ATP13A2: variants seen among roughly 807,000 people sequenced by gnomAD.
The protein encoded by ATP13A2 is polyamine-transporting ATPase 13A2.
A neutral mutation model predicts 138.3 loss-of-function variants in ATP13A2; 83 were observed. That is an observed-to-expected ratio of 0.60 (90% CI 0.50 to 0.72). The LOEUF is 0.72. ATP13A2 is among the 30% of genes least tolerant of loss of function. ATP13A2 has a pLI of 0.00. For missense variants in ATP13A2, 1,402 were observed against 1,606.4 expected, an observed-to-expected ratio of 0.87 and a Z score of 2.17; for synonymous variants, 663 against 699.0, an observed-to-expected ratio of 0.95 and a Z score of 0.81.
chr1:16,997,414 C>CGGTG (rs1424418496), intron 11 of ATP13A2, among the ~76,000 whole-genome samples: 1 of 56,642 alleles, frequency 1.8e-5, no homozygotes, highest in Non-Finnish European at 3.1e-5. Flanking sequence ...CTGGAACCAG[C>CGGTG]GGGGGGGGGT....
Position 16,992,306 on chromosome 1 carries a change from G to C in ATP13A2, c.1942C>G (p.Gln648Glu). Residue 648 changes from glutamine (Q) to glutamate (E), a missense_variant, in exon 18 of 29, where the codon CAG becomes GAG. Physicochemically the swap from Gln to Glu is conservative, Grantham distance 29. Transcript: ENST00000326735. Reference sequence around the variant, plus strand: ...GAGCCTTTGACGTAGGCCTCGGGCTGAGTGGCCCCTGGCCACGCCACCACC... The same window carrying C: ...GAGCCTTTGACGTAGGCCTCGGGCTCAGTGGCCCCTGGCCACGCCACCACC... ...SVVVAWPGAT[Q>E]PEAYVKGSPE... is the part of the protein sequence containing the mutation. The C allele has an allele frequency of 6.2e-7, 1 of 1,612,428 alleles. No individual in the cohort carries two copies. The highest frequency in any genetic ancestry group is 8.5e-7 in the Non-Finnish European group (1 of 1,179,778).
chr1:17,002,243 G>A (rs1570873238), intron 7 of ATP13A2, 53 bp downstream of exon 7: 1 of 1,597,002 alleles, frequency 6.3e-7, no homozygotes, highest in Non-Finnish European at 8.5e-7. Flanking sequence ...ACATTGGGGG[G>A]CAACACAAGG....
At chr1:16,993,969 T>A in intron 15 of ATP13A2, 134 bp from the exon 16 acceptor site, 1 of 729,260 alleles carries the variant, frequency 1.4e-6, no homozygotes, top group Non-Finnish European at 2.2e-6. Flanking sequence ...AAAGATGACC[T>A]TTCTTGACTG....
chr1:16,988,175 C>T lies in ATP13A2; in HGVS notation c.2822G>A (p.Ser941Asn). The change falls in exon 25 of 29, where the codon AGC (serine) becomes AAC (asparagine). Residue 941 changes from serine to asparagine, a missense_variant. Ser to Asn is a conservative substitution (Grantham distance 46). Transcript: ENST00000326735. ...CAGGACGGAGATGAACTGGGTCAGGCTGTACAGAGCCATGTACTTGAAGAC... is the reference window on the plus strand; with the variant it reads ...CAGGACGGAGATGAACTGGGTCAGGTTGTACAGAGCCATGTACTTGAAGAC... ...FSVFKYMALY[S>N]LTQFISVLIL... 1.2e-6 allele frequency: 2 copies of T among 1,614,186 alleles called. No homozygotes were observed. The highest frequency in any genetic ancestry group is 2.2e-5 in the South Asian group (2 of 91,088).
chr1:16,987,339 A>G, intron 25 of ATP13A2, 70 bp from the exon 26 acceptor site: 2 of 1,429,504 alleles, frequency 1.4e-6, no homozygotes, highest in Non-Finnish European at 1.9e-6. Flanking sequence ...CTGATAGCAG[A>G]GGCCCCACCC....
chr1:17,003,045 C>T (rs996333867), intron 6 of ATP13A2, among the ~76,000 whole-genome samples: 5 of 152,184 alleles, frequency 3.3e-5, no homozygotes, highest in Non-Finnish European at 5.9e-5. Flanking sequence ...TTGATGGTAA[C>T]TGTCCTCACT....
chr1:17,001,979 C>G (rs2077374576), intron 8 of ATP13A2, 55 bp downstream of exon 8: 1 of 1,563,106 alleles, frequency 6.4e-7, no homozygotes, highest in African/African-American at 1.4e-5. Context: ...AGCCCTGGGC[C>G]AAGGTCACAC....
Position 16,995,974 on chromosome 1 carries a change from A to G in ATP13A2, c.1542+2T>C. 6.2e-7 allele frequency: 1 copy of G among 1,613,794 alleles called. No individual in the cohort carries two copies. Among genetic ancestry groups the G allele is most frequent in the Non-Finnish European group, 8.5e-7 (1 of 1,180,002 alleles). On this transcript the variant is annotated splice_donor_variant, in intron 15 of 28. Coordinates refer to ENST00000326735, the MANE Select transcript of ATP13A2 (RefSeq NM_022089.4). LOFTEE classifies it high-confidence loss of function. This position sits in a 1 kb window ranked among gnomAD's most constrained non-coding sequence, Gnocchi z 4.1. ...CTGCACCAACCCCACCTGCGGCCCCACCTTGTCGAAACACACCAGCTGCAG... is the reference window on the plus strand; with the variant it reads ...CTGCACCAACCCCACCTGCGGCCCCGCCTTGTCGAAACACACCAGCTGCAG...
chr1:17,004,933 T>A lies in ATP13A2; in HGVS notation c.347+81A>T. The A allele has an allele frequency of 6.2e-7, 1 of 1,611,432 alleles. No homozygotes were observed. Among genetic ancestry groups the A allele is most frequent in the Non-Finnish European group, 8.5e-7 (1 of 1,179,030 alleles). ...GATGGGAGGCGCCAGAGTCAGCCTTTATGGGGGGGCCGAGGGTTGGGGAAG... is the reference window on the plus strand; with the variant it reads ...GATGGGAGGCGCCAGAGTCAGCCTTAATGGGGGGGCCGAGGGTTGGGGAAG... On this transcript the variant is annotated intron_variant, in intron 4 of 28. Transcript: ENST00000326735. The surrounding 1 kb of genome is among the most constrained non-coding windows in gnomAD (Gnocchi z 4.1).
At position 16,986,909 on chromosome 1, in the gene ATP13A2, T is replaced by G. The variant is rs146884019; in HGVS notation, c.3131A>C (p.Asn1044Thr). 3.1e-6 allele frequency: 5 copies of G among 1,613,902 alleles called. No individual in the cohort carries two copies. ...RTVAAPDNLP[N>T]YENTVVFSLS... The stretch of plus-strand genomic sequence containing the variant: ...AGAGAAGACCACGGTGTTCTCGTAG[T>G]TGGGCAGGTTGTCTGGTGCGGCCAC... Residue 1044 changes from asparagine to threonine, a missense_variant, in exon 27 of 29, where the codon AAC (asparagine) becomes ACC (threonine). Physicochemically the swap from Asn to Thr is moderately conservative, Grantham distance 65. Coordinates refer to ENST00000326735, the MANE Select transcript of ATP13A2 (RefSeq NM_022089.4). This position sits in a 1 kb window ranked among gnomAD's most constrained non-coding sequence, Gnocchi z 6.9.
At chr1:16,987,369 T>C (rs558207131) in intron 25 of ATP13A2, 100 bp from the exon 26 acceptor site, 13 of 1,136,412 alleles carry the variant, frequency 1.1e-5, no homozygotes, top group Admixed American at 2.0e-5. Context: ...AGGAATCTGA[T>C]GGGTAAGGCA....
intron 12 of ATP13A2, 112 bp downstream of exon 12, chr1:16,996,908 C>G (rs577338530): frequency 1.5e-6 from 2 of 1,351,788 alleles, no homozygotes; most frequent in African/African-American, 2.9e-5. Flanking sequence ...AGCAGGGCAG[C>G]AGCAGAGGTG....
Position 16,995,902 on chromosome 1 carries a change from C to A in ATP13A2, c.1542+74G>T, listed in dbSNP as rs79258902. ...CCTGTGGGTGCTGCTGAGAGAATAA[C>A]GCGGGTGTGGAGGCCTCACTGGGGC... is the stretch of plus-strand genomic sequence containing the variant. On this transcript the variant is annotated intron_variant, in intron 15 of 28. Transcript: ENST00000326735. The surrounding 1 kb of genome is among the most constrained non-coding windows in gnomAD (Gnocchi z 4.1). 5.8e-6 allele frequency: 9 copies of A among 1,564,932 alleles called. No homozygotes were observed. The highest frequency in any genetic ancestry group is 3.3e-4 in the Middle Eastern group (2 of 5,976).
rs764162255 is a variant in ATP13A2, at chr1:16,987,134, C to G, written c.2995G>C (p.Val999Leu). 1 of 1,613,024 alleles carries G rather than the reference C, an allele frequency of 6.2e-7. No homozygotes were observed. The highest frequency in any genetic ancestry group is 1.1e-5 in the South Asian group (1 of 91,040). ...RVRPPGALLS[V>L]PVLSSLLLQM... ...AGCAGCAGGCTGCTGAGCACGGGCA[C>G]GCTGAGCAGCGCCCCCGGTGGCCGC... The change falls in exon 26 of 29, where the codon GTG (valine) becomes CTG (leucine). Residue 999 changes from valine (V) to leucine (L), a missense_variant. Val to Leu is a conservative substitution (Grantham distance 32, BLOSUM62 1). Transcript: ENST00000326735.
At chr1:16,997,445 G>A (rs946082055) in intron 11 of ATP13A2, among the ~76,000 whole-genome samples, 1 of 141,192 alleles carries the variant, frequency 7.1e-6, no homozygotes, top group Non-Finnish European at 1.5e-5. Context: ...GAGCATGTGT[G>A]GGCATCATGT....
chr1:16,988,527 G>C, intron 23 of ATP13A2, 53 bp from the exon 24 acceptor site: 1 of 1,610,224 alleles, frequency 6.2e-7, no homozygotes, highest in South Asian at 1.1e-5. Flanking sequence ...ACCACCCCAT[G>C]GGTGGGCTGG....
chr1:16,986,373 G>A lies in ATP13A2; in HGVS notation c.3406-15C>T. 1 of 1,586,842 alleles carries A rather than the reference G, an allele frequency of 6.3e-7. No homozygotes were observed. The highest frequency in any genetic ancestry group is 8.6e-7 in the Non-Finnish European group (1 of 1,169,544). On this transcript the variant is annotated splice_polypyrimidine_tract_variant and intron_variant, in intron 28 of 28. Transcript: ENST00000326735. The surrounding 1 kb of genome is among the most constrained non-coding windows in gnomAD (Gnocchi z 6.9). The stretch of plus-strand genomic sequence containing the variant: ...TCTAGCACGCTCTGCAAAGGGCAGG[G>A]AGGGTGTCAGGGGCAGCCGGGGCTG...
intron 23 of ATP13A2, among the ~76,000 whole-genome samples, chr1:16,988,850 T>G (rs896799382): frequency 3.3e-5 from 5 of 151,984 alleles, no homozygotes; most frequent in African/African-American, 4.8e-5. Flanking sequence ...GCCAGGCTGG[T>G]CTTAAACTCC....
chr1:16,988,396 G>T lies in ATP13A2; in HGVS notation c.2688C>A (p.Ser896=). Residue 896 remains serine (S), a synonymous_variant, in exon 24 of 29, where the codon TCC becomes TCA. Coordinates refer to ENST00000326735, the MANE Select transcript of ATP13A2 (RefSeq NM_022089.4). ...GTGAGACCACTGAGGCTTCTGCCTG[G>T]GACAGCGAGATGCCGACATCAGCCG... ...LKAADVGISL[S]QAEASVVSPF... 1 of 1,614,060 alleles carries T rather than the reference G, an allele frequency of 6.2e-7. No individual in the cohort carries two copies. The highest frequency in any genetic ancestry group is 8.5e-7 in the Non-Finnish European group (1 of 1,180,034).
Sources: gnomAD v4.1 joint callset for allele counts (sites outside exome capture counted in the v4.1 genomes callset) on GRCh38, gnomAD v4.1.1 for gene constraint, Gnocchi (gnomAD v3.1) non-coding constraint, MANE v1.5 for transcripts, NCBI Gene and HGNC (gene_info 2026-07-23, HGNC 2026-07-21) for gene names.